PIK3R3: variants seen among roughly 807,000 people sequenced by gnomAD.
The protein encoded by PIK3R3 is phosphatidylinositol 3-kinase regulatory subunit gamma.
PIK3R3 carries 64 observed loss-of-function variants against 62.9 expected under a neutral mutation model. The observed-to-expected ratio is 1.02, with a 90% confidence interval of 0.83 to 1.25. The LOEUF is 1.25. Ranked by LOEUF, PIK3R3 falls within the 50% of genes most tolerant of loss-of-function variation. PIK3R3 has a pLI of 0.00. For synonymous variants in PIK3R3, 165 were observed against 189.0 expected (o/e 0.87, Z 1.04); for missense variants, 614 against 561.6 (o/e 1.09, Z -0.94).
At chr1:46,150,580 A>T in the PIK3R3 span, among the ~76,000 whole-genome samples, 1 of 152,178 alleles carries the variant, frequency 6.6e-6, no homozygotes, top group South Asian at 2.1e-4. Context: ...TCTTGGAGAG[A>T]GAAAACTACT....
the PIK3R3 span, among the ~76,000 whole-genome samples, chr1:46,174,015 C>T: frequency 6.6e-6 from 1 of 152,218 alleles, no homozygotes; most frequent in South Asian, 2.1e-4. Context: ...GTGTCTGCAT[C>T]TGGGTGCTTG....
At chr1:46,103,056 A>T (rs1652855991) in intron 1 of PIK3R3, among the ~76,000 whole-genome samples, 1 of 152,212 alleles carries the variant, frequency 6.6e-6, no homozygotes, top group South Asian at 2.1e-4. Context: ...ATACTGAGTG[A>T]AATAAGCCAA....
chr1:46,061,945 C>T lies in PIK3R3; in HGVS notation c.748G>A (p.Glu250Lys). The change falls in exon 6 of 10, where the codon GAA (glutamate) becomes AAA (lysine). Residue 250 changes from glutamate to lysine, a missense_variant. Coordinates refer to ENST00000262741, the MANE Select transcript of PIK3R3 (RefSeq NM_003629.4). ...TAGACTTACCGTTCAATCTCCTTTT[C>T]ATTCCCCTCTCTGCGAAATCGCTCA... ...YIERFRREGN[E>K]KEIERIMMNY... The T allele has an allele frequency of 6.2e-7, 1 of 1,613,492 alleles. No homozygotes were observed. Among genetic ancestry groups the T allele is most frequent in the Non-Finnish European group, 8.5e-7 (1 of 1,179,480 alleles).
chr1:46,141,784 C>G, the PIK3R3 span, among the ~76,000 whole-genome samples: 4 of 152,174 alleles, frequency 2.6e-5, no homozygotes, highest in African/African-American at 9.7e-5. Flanking sequence ...TCTCTCCTGT[C>G]TTTCCAAAAG....
At chr1:46,159,983 C>G in the PIK3R3 span, among the ~76,000 whole-genome samples, 1 of 152,114 alleles carries the variant, frequency 6.6e-6, no homozygotes, top group Non-Finnish European at 1.5e-5. Context: ...CACAAGCAAA[C>G]AAAAACCTCA....
intron 1 of PIK3R3, among the ~76,000 whole-genome samples, chr1:46,124,846 C>T (rs1654960893): frequency 6.7e-6 from 1 of 150,132 alleles, no homozygotes; most frequent in Non-Finnish European, 1.5e-5. Context: ...ACCTGTAATC[C>T]TAGCACTTTG....
At chr1:46,159,738 TAC>T in the PIK3R3 span, among the ~76,000 whole-genome samples, 74,865 of 147,782 alleles carry the variant, frequency 0.51, 19,066 homozygotes, top group South Asian at 0.63. Context: ...ATGAGTACCA[TAC>T]ACACACACAC....
At chr1:46,172,950 G>A in the PIK3R3 span, among the ~76,000 whole-genome samples, 6 of 151,854 alleles carry the variant, frequency 4.0e-5, no homozygotes, top group African/African-American at 1.2e-4. Flanking sequence ...ACAAGATTGC[G>A]CCACTGCACT....
chr1:46,133,810 T>TAAAAAAA (rs112127024), upstream of PIK3R3, among the ~76,000 whole-genome samples: 1 of 142,746 alleles, frequency 7.0e-6, no homozygotes. Flanking sequence ...TCAAACCAAT[T>TAAAAAAA]AAAAAAAAAA....
At chr1:46,152,251 A>G in the PIK3R3 span, among the ~76,000 whole-genome samples, 2 of 152,292 alleles carry the variant, frequency 1.3e-5, no homozygotes, top group East Asian at 3.9e-4. Flanking sequence ...CCCTTGCCAG[A>G]CTAAGAGGTT....
rs115566430 is a variant in PIK3R3, at chr1:46,084,252, G to A, written c.107-3502C>T. 7.4e-3 allele frequency among the ~76,000 whole-genome samples: 1,131 copies of A among 152,234 alleles called. 17 individuals are homozygous for A. The highest frequency in any genetic ancestry group is 0.026 in the African/African-American group (1,068 of 41,538). ...AAATCAATGGTTGGCTAGGGCTGGG[G>A]AGTAAAGTGGGAAATAGGGAGTGAC... On this transcript the variant is annotated intron_variant, in intron 1 of 9. Transcript: ENST00000262741.
At chr1:46,143,589 G>A in the PIK3R3 span, among the ~76,000 whole-genome samples, 3 of 151,312 alleles carry the variant, frequency 2.0e-5, no homozygotes, top group African/African-American at 7.3e-5. Context: ...CACCACCCCT[G>A]CTCTTCAGTG....
the PIK3R3 span, among the ~76,000 whole-genome samples, chr1:46,155,110 A>G: frequency 2.6e-5 from 4 of 152,214 alleles, no homozygotes; most frequent in African/African-American, 9.6e-5. Flanking sequence ...ACTTGAACCC[A>G]GGAGTTGAAG....
intron 2 of PIK3R3, among the ~76,000 whole-genome samples, chr1:46,078,813 C>G (rs1042010728): frequency 6.6e-5 from 10 of 152,086 alleles, no homozygotes. Context: ...GAAATTCTGA[C>G]ACATGCTACA....
At chr1:46,144,319 A>G in the PIK3R3 span, among the ~76,000 whole-genome samples, 1 of 152,174 alleles carries the variant, frequency 6.6e-6, no homozygotes, top group African/African-American at 2.4e-5. Context: ...CAATTTCCTG[A>G]GTATAGAGCT....
Position 46,131,921 on chromosome 1 carries a change from T to C in PIK3R3, c.32A>G (p.Asp11Gly). The part of the protein sequence containing the change: MYNTVWSMDR[D>G]DADWREVMMP... Reference sequence around the variant, plus strand: ...CATCACCTCCCTCCAGTCTGCGTCATCGCGGTCCATACTCCACACCGTATT... The same window carrying C: ...CATCACCTCCCTCCAGTCTGCGTCACCGCGGTCCATACTCCACACCGTATT... Residue 11 changes from aspartate (D) to glycine (G), a missense_variant, in exon 1 of 10, where the codon GAT (aspartate) becomes GGT (glycine). Physicochemically the swap from Asp to Gly is moderately conservative, Grantham distance 94. Coordinates refer to ENST00000262741, the MANE Select transcript of PIK3R3 (RefSeq NM_003629.4). The C allele has an allele frequency of 6.2e-7, 1 of 1,613,994 alleles. No homozygotes were observed. Among genetic ancestry groups the C allele is most frequent in the Non-Finnish European group, 8.5e-7 (1 of 1,179,932 alleles).
At chr1:46,128,879 G>A (rs1655321631) in intron 1 of PIK3R3, among the ~76,000 whole-genome samples, 2 of 152,078 alleles carry the variant, frequency 1.3e-5, no homozygotes, top group African/African-American at 2.4e-5. Context: ...TCAGGAGTTC[G>A]ATATCAGCCT....
chr1:46,113,240 A>G (rs139769054), intron 1 of PIK3R3, among the ~76,000 whole-genome samples: 103 of 151,768 alleles, frequency 6.8e-4, no homozygotes, highest in African/African-American at 2.4e-3. Flanking sequence ...GGGGCCTTTC[A>G]TGATCTGGAC....
At chr1:46,113,618 C>A (rs1162686062) in intron 1 of PIK3R3, among the ~76,000 whole-genome samples, 1 of 152,154 alleles carries the variant, frequency 6.6e-6, no homozygotes, top group Non-Finnish European at 1.5e-5. Flanking sequence ...TTGTCTTCAA[C>A]AAAACTTAAG....
Sources: allele counts gnomAD v4.1 joint callset (sites outside exome capture counted in the v4.1 genomes callset), GRCh38; gene constraint gnomAD v4.1.1; transcripts MANE v1.5; gene names NCBI Gene and HGNC (gene_info 2026-07-23, HGNC 2026-07-21).